Variants in CCDC7 observed in about 807,000 individuals in gnomAD.
The protein encoded by CCDC7 is coiled-coil domain-containing protein 7.
In CCDC7, 183 loss-of-function variants were observed where a neutral mutation model predicts 196.9. That is an observed-to-expected ratio of 0.93 (90% CI 0.82 to 1.05). The LOEUF is 1.05. CCDC7 is among the 50% of genes least tolerant of loss of function. CCDC7 has a pLI of 0.00. For missense variants in CCDC7, 1,540 were observed against 1,482.2 expected (o/e 1.04, Z -0.64); for synonymous variants, 525 against 484.6 (o/e 1.08, Z -1.10).
At chr10:32,694,623 C>T (rs1426366658) in intron 23 of CCDC7, among the ~76,000 whole-genome samples, 2 of 151,952 alleles carry the variant, frequency 1.3e-5, no homozygotes, top group Non-Finnish European at 2.9e-5. Context: ...ATGTATTAAC[C>T]TAAAGTATAA....
intron 30 of CCDC7, among the ~76,000 whole-genome samples, chr10:32,809,552 CA>C (rs2086613334): frequency 6.6e-6 from 1 of 152,116 alleles, no homozygotes; most frequent in African/African-American, 2.4e-5. Context: ...ACAGCCCCAT[CA>C]AAAAGTGGGC....
At chr10:32,499,773 T>C (rs184657782) in intron 9 of CCDC7, among the ~76,000 whole-genome samples, 7,116 of 152,208 alleles carry the variant, frequency 0.047, 166 homozygotes, top group Middle Eastern at 0.065. Flanking sequence ...TTTGTGTCCC[T>C]GGGTACTTGA....
intron 25 of CCDC7, chr10:32,725,224 C>T (rs2082942691): frequency 1.9e-5 from 8 of 414,258 alleles, no homozygotes; most frequent in South Asian, 1.4e-4. Context: ...TGAATCCTTT[C>T]TCTCGAAGCA....
At chr10:32,665,904 A>C (rs754857588) in intron 21 of CCDC7, among the ~76,000 whole-genome samples, 3 of 151,836 alleles carry the variant, frequency 2.0e-5, no homozygotes, top group Admixed American at 6.6e-5. Context: ...TCATTGTAGA[A>C]CTTTTTTTCC....
intron 18 of CCDC7, among the ~76,000 whole-genome samples, chr10:32,603,228 A>G (rs2061248983): frequency 6.6e-6 from 1 of 150,938 alleles, no homozygotes; most frequent in Admixed American, 6.6e-5. Flanking sequence ...TGCCTGGCTT[A>G]TTTCACTTAA....
intron 25 of CCDC7, among the ~76,000 whole-genome samples, chr10:32,714,977 C>T (rs191381915): frequency 2.6e-5 from 4 of 152,340 alleles, no homozygotes; most frequent in African/African-American, 9.6e-5. Context: ...GCAGCTTCAG[C>T]AAACTTAAAT....
intron 13 of CCDC7, among the ~76,000 whole-genome samples, chr10:32,563,022 C>G (rs2056050236): frequency 6.6e-6 from 1 of 151,972 alleles, no homozygotes; most frequent in Admixed American, 6.6e-5. Flanking sequence ...GACAGAGAGG[C>G]AAATCATGAG....
chr10:32,732,139 A>T (rs939956424), intron 28 of CCDC7, among the ~76,000 whole-genome samples: 8 of 152,276 alleles, frequency 5.3e-5, no homozygotes, highest in Admixed American at 3.3e-4. Flanking sequence ...AGTTTTTTTC[A>T]CTTTTTATTG....
rs560268858 is a variant in CCDC7, at chr10:32,722,761, C to T, written c.2570-3973C>T. ...TACTGAGGGTTAGGACTTCAACTTA[C>T]CTGTTTTAGAGGGGCACAATTCAAC... is the stretch of plus-strand genomic sequence containing the variant. On this transcript the variant is annotated intron_variant, in intron 25 of 41. Transcript: ENST00000639629. Among the ~76,000 whole-genome samples, 3 of 152,176 alleles carry T rather than the reference C, an allele frequency of 2.0e-5. No individual in the cohort carries two copies. The East Asian group carries it at 5.8e-4, about 29-fold the overall frequency.
intron 8 of CCDC7, among the ~76,000 whole-genome samples, chr10:32,488,006 C>T (rs1318798278): frequency 6.6e-6 from 1 of 152,208 alleles, no homozygotes; most frequent in Non-Finnish European, 1.5e-5. Context: ...CTACTCTCTT[C>T]AAAGCTGTCA....
chr10:32,588,816 T>A (rs2059531304), intron 18 of CCDC7, among the ~76,000 whole-genome samples: 1 of 152,106 alleles, frequency 6.6e-6, no homozygotes, highest in South Asian at 2.1e-4. Context: ...CCGGTTCAAT[T>A]TTCTTACTAG....
At chr10:32,459,935 A>G (rs2035270485) in intron 3 of CCDC7, among the ~76,000 whole-genome samples, 1 of 152,070 alleles carries the variant, frequency 6.6e-6, no homozygotes, top group African/African-American at 2.4e-5. Context: ...ACCCTTTTAT[A>G]TATGGAAAAT....
At chr10:32,465,960 T>G (rs2036675759) in intron 5 of CCDC7, among the ~76,000 whole-genome samples, 1 of 152,214 alleles carries the variant, frequency 6.6e-6, no homozygotes, top group South Asian at 2.1e-4. Flanking sequence ...ATTTAATCTA[T>G]CCACAAGTCC....
chr10:32,587,742 C>T (rs1243208086), intron 18 of CCDC7, among the ~76,000 whole-genome samples: 1 of 151,956 alleles, frequency 6.6e-6, no homozygotes, highest in Admixed American at 6.6e-5. Flanking sequence ...TTTGGATGGC[C>T]TTTGTTTCTT....
chr10:32,753,553 G>T (rs563752230), intron 28 of CCDC7, among the ~76,000 whole-genome samples: 1 of 152,130 alleles, frequency 6.6e-6, no homozygotes, highest in Admixed American at 6.5e-5. Context: ...TTTCAAACCC[G>T]GATAATCTAG....
chr10:32,508,645 C>T (rs960865423), intron 9 of CCDC7, among the ~76,000 whole-genome samples: 38 of 151,286 alleles, frequency 2.5e-4, no homozygotes, highest in African/African-American at 7.8e-4. Flanking sequence ...TTTTTTGATA[C>T]GGAGTCTCAC....
chr10:32,709,023 G>A (rs528266620), intron 24 of CCDC7, among the ~76,000 whole-genome samples: 8 of 152,232 alleles, frequency 5.3e-5, no homozygotes, highest in South Asian at 2.1e-4. Flanking sequence ...ACGTGCACAC[G>A]TATGTTTATT....
chr10:32,677,495 T>C (rs1475342373), intron 21 of CCDC7, among the ~76,000 whole-genome samples: 1 of 152,174 alleles, frequency 6.6e-6, no homozygotes, highest in East Asian at 1.9e-4. Context: ...TTTCTGGGTG[T>C]AGTATTCTTG....
At chr10:32,734,301 T>C (rs902199822) in intron 28 of CCDC7, among the ~76,000 whole-genome samples, 1 of 152,184 alleles carries the variant, frequency 6.6e-6, no homozygotes, top group African/African-American at 2.4e-5. Flanking sequence ...GGAACATGGA[T>C]GGAGCTGGAG....
Sources: allele counts gnomAD v4.1 joint callset (sites outside exome capture counted in the v4.1 genomes callset), GRCh38; gene constraint gnomAD v4.1.1; transcripts MANE v1.5; gene names NCBI Gene and HGNC (gene_info 2026-07-23, HGNC 2026-07-21).